Variants in SV2C observed in about 807,000 individuals in gnomAD.
The protein encoded by SV2C is solute carrier family 22 member B3.
In SV2C, 49 loss-of-function variants were observed where a neutral mutation model predicts 79.7. The ratio of observed to expected loss-of-function variants is 0.61; its 90% confidence interval spans 0.49 to 0.78. The LOEUF (loss-of-function observed/expected upper bound fraction) is 0.78, where lower values mean the gene tolerates loss of function less well. SV2C is among the 30% of genes least tolerant of loss of function. The pLI, the probability that SV2C is intolerant of heterozygous loss-of-function variation, is 0.00. For missense variants in SV2C, 833 were observed against 912.9 expected, an observed-to-expected ratio of 0.91 and a Z score of 1.13; for synonymous variants, 334 against 333.2, an observed-to-expected ratio of 1.00 and a Z score of -0.03.
At chr5:75,875,627 C>T in the SV2C span, among the ~76,000 whole-genome samples, 1 of 152,080 alleles carries the variant, frequency 6.6e-6, no homozygotes, top group Non-Finnish European at 1.5e-5. Context: ...AAGAAACTAT[C>T]AACGGGGTAA....
chr5:76,043,878 C>T, the SV2C span, among the ~76,000 whole-genome samples: 1 of 151,986 alleles, frequency 6.6e-6, no homozygotes, highest in African/African-American at 2.4e-5. Context: ...TTTATTCCTC[C>T]TTATTTCATT....
chr5:76,072,527 A>G, the SV2C span, among the ~76,000 whole-genome samples: 1 of 152,210 alleles, frequency 6.6e-6, no homozygotes, highest in Admixed American at 6.5e-5. Flanking sequence ...GCAGAATTAC[A>G]GTAGAGAAGG....
chr5:76,101,560 A>G (rs1304837187), intron 1 of SV2C, among the ~76,000 whole-genome samples: 11 of 152,172 alleles, frequency 7.2e-5, no homozygotes, highest in African/African-American at 2.7e-4. Flanking sequence ...GAGATGGACA[A>G]TTAGCAAATA....
chr5:76,293,027 C>T (rs1747614865), intron 8 of SV2C, among the ~76,000 whole-genome samples: 1 of 152,152 alleles, frequency 6.6e-6, no homozygotes. Flanking sequence ...TTCTTAGTGC[C>T]TGAGGAGGTG....
chr5:76,253,660 G>A (rs1170831746), intron 4 of SV2C, among the ~76,000 whole-genome samples: 4 of 139,432 alleles, frequency 2.9e-5, no homozygotes, highest in African/African-American at 8.1e-5. Context: ...ACATCCAGCC[G>A]TTTCTGGGAC....
the SV2C span, among the ~76,000 whole-genome samples, chr5:75,944,947 CAA>C: frequency 6.6e-6 from 1 of 151,832 alleles, no homozygotes; most frequent in Admixed American, 6.6e-5. Flanking sequence ...CCCTGTTGCT[CAA>C]AGACTGTGAG....
At chr5:75,955,575 C>T in the SV2C span, among the ~76,000 whole-genome samples, 1 of 145,262 alleles carries the variant, frequency 6.9e-6, no homozygotes, top group African/African-American at 2.6e-5. Flanking sequence ...AGCTTCTGCA[C>T]AGCAAAAGAA....
chr5:76,264,230 T>A (rs1388764184), intron 4 of SV2C, among the ~76,000 whole-genome samples: 1 of 151,872 alleles, frequency 6.6e-6, no homozygotes, highest in Non-Finnish European at 1.5e-5. Context: ...ATTCAGCTAT[T>A]GATACTTGTG....
chr5:76,021,437 G>A, the SV2C span, among the ~76,000 whole-genome samples: 4 of 152,142 alleles, frequency 2.6e-5, no homozygotes, highest in Non-Finnish European at 5.9e-5. Context: ...ATTCAATTAC[G>A]ATGGTACAGA....
chr5:76,260,352 A>T (rs1228683368), intron 4 of SV2C, among the ~76,000 whole-genome samples: 2 of 152,176 alleles, frequency 1.3e-5, no homozygotes, highest in Non-Finnish European at 2.9e-5. Flanking sequence ...AACCTTTGTC[A>T]GATGGATAGA....
intron 4 of SV2C, among the ~76,000 whole-genome samples, chr5:76,220,286 A>G (rs1264926910): frequency 6.6e-6 from 1 of 152,218 alleles, no homozygotes; most frequent in African/African-American, 2.4e-5. Context: ...CAAGTGTAGA[A>G]GCTGGAAATC....
intron 9 of SV2C, 35 bp downstream of exon 9, chr5:76,295,977 A>T: frequency 6.5e-7 from 1 of 1,529,538 alleles, no homozygotes; most frequent in East Asian, 2.3e-5. Context: ...TTTGCTACCT[A>T]TTCACAAAAA....
chr5:76,281,747 A>G (rs924209375), intron 4 of SV2C, among the ~76,000 whole-genome samples: 2 of 152,196 alleles, frequency 1.3e-5, no homozygotes, highest in African/African-American at 2.4e-5. Context: ...GTAGCACAGC[A>G]TCTTCAAGTC....
chr5:76,210,396 A>G (rs1289697951), intron 4 of SV2C, among the ~76,000 whole-genome samples: 1 of 152,224 alleles, frequency 6.6e-6, no homozygotes, highest in Non-Finnish European at 1.5e-5. Flanking sequence ...ATCATTTGCT[A>G]GAATGGCTCA....
the SV2C span, among the ~76,000 whole-genome samples, chr5:76,067,777 G>A: frequency 1.3e-5 from 2 of 151,910 alleles, no homozygotes; most frequent in Admixed American, 6.6e-5. Context: ...AAAATGTTGT[G>A]ATTTTATTCA....
chr5:76,057,355 T>C, the SV2C span, among the ~76,000 whole-genome samples: 1 of 152,090 alleles, frequency 6.6e-6, no homozygotes, highest in Non-Finnish European at 1.5e-5. Context: ...ATTAGGTATA[T>C]CTCCTAATGC....
At chr5:75,911,946 A>G in the SV2C span, 7 of 387,952 alleles carry the variant, frequency 1.8e-5, no homozygotes, top group South Asian at 1.5e-4. Flanking sequence ...TAGGTCAGAG[A>G]GATATAAGAG....
intron 1 of SV2C, among the ~76,000 whole-genome samples, chr5:76,122,088 C>T (rs1748524253): frequency 6.6e-6 from 1 of 151,714 alleles, no homozygotes; most frequent in South Asian, 2.1e-4. Flanking sequence ...TCCTTCACAT[C>T]CCTTGTAAGT....
At chr5:76,208,775 G>C (rs1744684501) in intron 3 of SV2C, among the ~76,000 whole-genome samples, 1 of 152,190 alleles carries the variant, frequency 6.6e-6, no homozygotes, top group East Asian at 1.9e-4. Context: ...ATGTACTTAT[G>C]TTGTGTGTCT....
Sources: allele counts gnomAD v4.1 joint callset (sites outside exome capture counted in the v4.1 genomes callset), GRCh38; gene constraint gnomAD v4.1.1; transcripts MANE v1.5; gene names NCBI Gene and HGNC (gene_info 2026-07-23, HGNC 2026-07-21).